Variants in PIP4P2 observed in about 807,000 individuals in gnomAD.
PIP4P2 encodes the protein phosphatidylinositol-4,5-bisphosphate 4-phosphatase 2, also known as type 2 phosphatidylinositol 4,5-bisphosphate 4-phosphatase.
Under a neutral mutation model 33.3 loss-of-function variants are expected in PIP4P2, and 19 were observed. That is an observed-to-expected ratio of 0.57 (90% confidence interval 0.40 to 0.84). PIP4P2 has a LOEUF of 0.84. PIP4P2 is among the 40% of genes least tolerant of loss of function. PIP4P2 has a pLI of 0.00. For synonymous variants in PIP4P2, 110 were observed against 111.9 expected, an observed-to-expected ratio of 0.98 and a Z score of 0.11; for missense variants, 270 against 324.7, an observed-to-expected ratio of 0.83 and a Z score of 1.29.
At chr8:91,032,780 CAAAAAAAAAAAAA>C (rs34482470) in intron 1 of PIP4P2, among the ~76,000 whole-genome samples, 5 of 98,760 alleles carry the variant, frequency 5.1e-5, no homozygotes, top group African/African-American at 2.0e-4. Flanking sequence ...GAGTCTGTCT[CAAAAAAAAAAAAA>C]AAAAAAAAGA....
At chr8:91,020,965 T>C (rs747196887) in intron 2 of PIP4P2, among the ~76,000 whole-genome samples, 2 of 152,186 alleles carry the variant, frequency 1.3e-5, no homozygotes. Flanking sequence ...GTGATGTGGA[T>C]AGATATTGAA....
intron 5 of PIP4P2, among the ~76,000 whole-genome samples, chr8:90,999,357 A>C (rs1343593969): frequency 6.6e-6 from 1 of 152,126 alleles, no homozygotes; most frequent in Non-Finnish European, 1.5e-5. Flanking sequence ...CTAGCAGATA[A>C]AACTTAAAGG....
At chr8:91,003,877 C>T (rs118076478) in intron 5 of PIP4P2, among the ~76,000 whole-genome samples, 5,109 of 151,422 alleles carry the variant, frequency 0.034, 129 homozygotes, top group Non-Finnish European at 0.049. Context: ...ATCTGGAAAC[C>T]AAGAAAACAA....
rs181844337 is a variant in PIP4P2, at chr8:90,998,692, G to A, written c.540-1948C>T. ...GATTCCCTATTCAATAAATGGTGCT[G>A]GAATAACTGGCTAGCCATATGCAGA... On this transcript the variant is annotated intron_variant, in intron 5 of 6. Transcript: ENST00000285419. Among the ~76,000 whole-genome samples, 236 of 152,094 alleles carry A rather than the reference G, an allele frequency of 1.6e-3. 1 individual carries two copies. The highest frequency in any genetic ancestry group is 5.5e-3 in the African/African-American group (228 of 41,528).
intron 1 of PIP4P2, among the ~76,000 whole-genome samples, chr8:91,039,421 G>A (rs1260738120): frequency 6.6e-6 from 1 of 152,030 alleles, no homozygotes; most frequent in Non-Finnish European, 1.5e-5. Flanking sequence ...TTTTCTTCTT[G>A]TTAAGTATGG....
At chr8:91,032,565 G>C (rs1033806050) in intron 1 of PIP4P2, among the ~76,000 whole-genome samples, 9 of 152,062 alleles carry the variant, frequency 5.9e-5, no homozygotes, top group African/African-American at 2.2e-4. Context: ...TGGATCATTT[G>C]AGGTCAGGAG....
intron 3 of PIP4P2, 186 bp from the exon 4 acceptor site, chr8:91,018,699 C>A: frequency 1.4e-6 from 1 of 708,198 alleles, no homozygotes; most frequent in Non-Finnish European, 2.3e-6. Context: ...AAATATGAGT[C>A]TGTACTTGGG....
At chr8:91,009,849 T>C (rs193113405) in intron 4 of PIP4P2, among the ~76,000 whole-genome samples, 57 of 152,042 alleles carry the variant, frequency 3.7e-4, no homozygotes, top group African/African-American at 1.3e-3. Flanking sequence ...TCAAATCTCA[T>C]GAAATTTAGT....
chr8:91,031,754 T>A (rs1216298326), intron 1 of PIP4P2, among the ~76,000 whole-genome samples: 1 of 152,200 alleles, frequency 6.6e-6, no homozygotes, highest in East Asian at 1.9e-4. Flanking sequence ...ATCTTTCTCA[T>A]TTCTAAAAGC....
intron 5 of PIP4P2, among the ~76,000 whole-genome samples, chr8:91,002,693 T>C (rs929692438): frequency 6.6e-5 from 10 of 152,164 alleles, no homozygotes; most frequent in African/African-American, 2.4e-4. Context: ...AGAATAACCT[T>C]TGTGCCACAG....
chr8:91,008,595 C>A (rs1023108893), intron 5 of PIP4P2, 148 bp downstream of exon 5: 1 of 551,248 alleles, frequency 1.8e-6, no homozygotes, highest in African/African-American at 1.9e-5. Context: ...TTTAGGATAT[C>A]TTTTTAGTCT....
At chr8:91,004,820 G>A (rs1339206852) in intron 5 of PIP4P2, among the ~76,000 whole-genome samples, 1 of 152,124 alleles carries the variant, frequency 6.6e-6, no homozygotes, top group Non-Finnish European at 1.5e-5. Flanking sequence ...GAGATAGGAG[G>A]CAATTCATTG....
At chr8:90,997,991 C>T (rs1446577201) in intron 5 of PIP4P2, among the ~76,000 whole-genome samples, 1 of 151,980 alleles carries the variant, frequency 6.6e-6, no homozygotes, top group African/African-American at 2.4e-5. Context: ...ACCTGGGGAC[C>T]ACCATTAATT....
intron 1 of PIP4P2, among the ~76,000 whole-genome samples, chr8:91,025,944 T>C (rs908712651): frequency 1.3e-5 from 2 of 152,144 alleles, no homozygotes; most frequent in African/African-American, 4.8e-5. Flanking sequence ...GAAAACTATT[T>C]TAGGAGACTC....
intron 1 of PIP4P2, among the ~76,000 whole-genome samples, chr8:91,026,077 G>A (rs1472721553): frequency 1.3e-5 from 2 of 152,114 alleles, no homozygotes; most frequent in Non-Finnish European, 1.5e-5. Flanking sequence ...ACTCTCTTTC[G>A]TGATGCTGGA....
chr8:90,996,814 GTTC>G lies in PIP4P2; in HGVS notation c.540-73_540-71del, dbSNP rs1386970875. The G allele has an allele frequency of 8.0e-6, 10 of 1,248,206 alleles. No homozygotes were observed. In the African/African-American group the frequency reaches 1.5e-4, roughly 19 times the overall value. The allele number at this position is 1,248,206 out of a possible 1,614,324, so 77.3% of individuals were successfully genotyped here. A position where few individuals can be genotyped will look rare whatever the true frequency, so the allele number is the denominator to read the frequency against. ...AAAATTCTCTATTTCATTTTTGTGA[GTTC>G]TTATCTATGGCTTTAGTAATATTAT... On this transcript the variant is annotated intron_variant, in intron 5 of 6. Coordinates refer to ENST00000285419, the MANE Select transcript of PIP4P2 (RefSeq NM_018710.3).
intron 1 of PIP4P2, among the ~76,000 whole-genome samples, chr8:91,029,513 T>C (rs934612374): frequency 6.6e-6 from 1 of 152,148 alleles, no homozygotes; most frequent in African/African-American, 2.4e-5. Context: ...AGTTCCTAAG[T>C]GACTTCATCA....
chr8:91,016,717 T>A (rs1482130955), intron 4 of PIP4P2: 3 of 152,284 alleles, frequency 2.0e-5, no homozygotes, highest in Middle Eastern at 3.4e-3. Flanking sequence ...GAGGATGGCA[T>A]GGGATCCAAC....
intron 1 of PIP4P2, among the ~76,000 whole-genome samples, chr8:91,035,823 G>A (rs887348875): frequency 2.0e-5 from 3 of 152,050 alleles, no homozygotes; most frequent in Non-Finnish European, 4.4e-5. Flanking sequence ...GAGCCCAGGA[G>A]TTTGACACCA....
Sources: allele counts gnomAD v4.1 joint callset (sites outside exome capture counted in the v4.1 genomes callset), GRCh38; gene constraint gnomAD v4.1.1; transcripts MANE v1.5; gene names NCBI Gene and HGNC (gene_info 2026-07-23, HGNC 2026-07-21).